Variants in DCAF8L2 observed in about 807,000 individuals in gnomAD.
The protein encoded by DCAF8L2 is DDB1 and CUL4 associated factor 8 like 2.
For synonymous variants in DCAF8L2, 200 were observed against 190.9 expected (o/e 1.05, Z -0.39); for missense variants, 430 against 490.7 (o/e 0.88, Z 1.17).
At chrX:27,491,795 A>T in the DCAF8L2 span, among the ~76,000 whole-genome samples, 1 of 111,147 alleles carries the variant, frequency 9.0e-6, no homozygotes, top group African/African-American at 3.3e-5. Flanking sequence ...TCTGATATCG[A>T]CTTTCTACCA....
chrX:27,538,309 G>C, the DCAF8L2 span, among the ~76,000 whole-genome samples: 1 of 112,141 alleles, frequency 8.9e-6, no homozygotes, highest in East Asian at 2.8e-4. Context: ...ATACCAGTAA[G>C]AATGGGCTAG....
At chrX:27,514,249 G>A in the DCAF8L2 span, among the ~76,000 whole-genome samples, 1 of 107,919 alleles carries the variant, frequency 9.3e-6, no homozygotes, top group Non-Finnish European at 1.9e-5. Flanking sequence ...GTACACATAT[G>A]TACATATATG....
the DCAF8L2 span, among the ~76,000 whole-genome samples, chrX:27,570,215 G>T: frequency 1.8e-5 from 2 of 110,925 alleles, no homozygotes; most frequent in Admixed American, 9.7e-5. Context: ...TTTCCCTAAT[G>T]TATGCTTCTG....
intron 4 of DCAF8L2, among the ~76,000 whole-genome samples, chrX:27,722,826 CA>C (rs1931945706): frequency 9.1e-6 from 1 of 110,408 alleles, no homozygotes; most frequent in Non-Finnish European, 1.9e-5. Context: ...AGAGATATAA[CA>C]ATGTAAAACA....
rs745691986 is a variant in DCAF8L2, at chrX:27,719,048, A to G, written c.-59+2877A>G. Among the ~76,000 whole-genome samples, 18 of 111,876 alleles carry G rather than the reference A, an allele frequency of 1.6e-4. No homozygotes were observed. In the East Asian group the frequency reaches 4.5e-3, roughly 28 times the overall value. On this transcript the variant is annotated intron_variant, in intron 4 of 4. Transcript: ENST00000451261. The stretch of plus-strand genomic sequence containing the variant: ...TAGTACAAAGTCTTTCTGTAGACCT[A>G]TTTTTTAATTTATCTTGGGCAAACA...
chrX:27,562,854 C>G, the DCAF8L2 span, among the ~76,000 whole-genome samples: 387 of 112,250 alleles, frequency 3.4e-3, 1 homozygote, highest in African/African-American at 0.011. Flanking sequence ...TTACTTCTCT[C>G]TCGAAAGCTA....
At chrX:27,563,027 A>G in the DCAF8L2 span, among the ~76,000 whole-genome samples, 2 of 112,001 alleles carry the variant, frequency 1.8e-5, no homozygotes, top group East Asian at 5.6e-4. Context: ...CAATTGGGGC[A>G]TGAATATGAA....
At chrX:27,568,946 AACACACACAC>A in the DCAF8L2 span, among the ~76,000 whole-genome samples, 4,754 of 86,477 alleles carry the variant, frequency 0.055, 400 homozygotes, top group African/African-American at 0.2. Flanking sequence ...TTGGAACTCA[AACACACACAC>A]ACACACACAC....
At chrX:27,740,648 T>C (rs898662257) in intron 4 of DCAF8L2, among the ~76,000 whole-genome samples, 3 of 111,847 alleles carry the variant, frequency 2.7e-5, no homozygotes, top group Non-Finnish European at 5.6e-5. Flanking sequence ...ACTCACATTG[T>C]GATCCTACTT....
At chrX:27,686,929 G>A (rs767936587) in intron 3 of DCAF8L2, among the ~76,000 whole-genome samples, 2 of 112,313 alleles carry the variant, frequency 1.8e-5, no homozygotes, top group Non-Finnish European at 3.8e-5. Flanking sequence ...TGCGTGTGCA[G>A]TTCACAATAG....
intron 4 of DCAF8L2, among the ~76,000 whole-genome samples, chrX:27,745,961 G>T (rs1922139584): frequency 9.0e-6 from 1 of 111,379 alleles, no homozygotes; most frequent in Non-Finnish European, 1.9e-5. Flanking sequence ...ATCTTAAATT[G>T]AATTAACTCT....
chrX:27,506,684 CT>C, the DCAF8L2 span, among the ~76,000 whole-genome samples: 2 of 110,912 alleles, frequency 1.8e-5, no homozygotes, highest in Non-Finnish European at 3.8e-5. Flanking sequence ...CCAGATTTCC[CT>C]TTTCTTTTTA....
At chrX:27,479,513 G>C in the DCAF8L2 span, among the ~76,000 whole-genome samples, 2 of 111,569 alleles carry the variant, frequency 1.8e-5, no homozygotes, top group Non-Finnish European at 3.8e-5. Context: ...ACTACTATAT[G>C]CATTTTCTGT....
chrX:27,590,945 G>A (rs1456709012), intron 1 of DCAF8L2, among the ~76,000 whole-genome samples: 1 of 96,536 alleles, frequency 1.0e-5, no homozygotes, highest in African/African-American at 3.6e-5. Flanking sequence ...CACTTTGCCA[G>A]CACCATAACA....
At chrX:27,470,862 C>T in the DCAF8L2 span, among the ~76,000 whole-genome samples, 2 of 111,885 alleles carry the variant, frequency 1.8e-5, no homozygotes, top group Non-Finnish European at 3.8e-5. Context: ...AAAATGTGAC[C>T]TTATAAAGTG....
chrX:27,670,103 T>C (rs1929892090), intron 2 of DCAF8L2, among the ~76,000 whole-genome samples: 1 of 102,185 alleles, frequency 9.8e-6, no homozygotes, highest in African/African-American at 3.5e-5. Context: ...CTTTGTTTTA[T>C]AGTGTTTTTT....
chrX:27,528,480 A>G, the DCAF8L2 span, among the ~76,000 whole-genome samples: 123 of 96,339 alleles, frequency 1.3e-3, no homozygotes, highest in African/African-American at 4.7e-3. Flanking sequence ...GTATGTGTAT[A>G]TATATATATA....
the DCAF8L2 span, among the ~76,000 whole-genome samples, chrX:27,573,394 A>G: frequency 9.0e-6 from 1 of 110,944 alleles, no homozygotes; most frequent in Non-Finnish European, 1.9e-5. Context: ...CTGGCTACTC[A>G]GAGAGTATTT....
the DCAF8L2 span, among the ~76,000 whole-genome samples, chrX:27,572,883 T>TA: frequency 9.0e-6 from 1 of 111,687 alleles, no homozygotes; most frequent in African/African-American, 3.3e-5. Flanking sequence ...ATGATCTGAA[T>TA]AAGCAGGTTA....
Sources: allele counts gnomAD v4.1 joint callset (sites outside exome capture counted in the v4.1 genomes callset), GRCh38; gene constraint gnomAD v4.1.1; transcripts MANE v1.5; gene names NCBI Gene and HGNC (gene_info 2026-07-23, HGNC 2026-07-21).